GOLGA3: variants seen among roughly 807,000 people sequenced by gnomAD.
GOLGA3 encodes golgin subfamily A member 3.
GOLGA3 carries 75 observed loss-of-function variants against 169.4 expected under a neutral mutation model. That is an observed-to-expected ratio of 0.44 (90% CI 0.37 to 0.54). The LOEUF is 0.54. Among genes scored for constraint, GOLGA3 ranks in the 20% least tolerant of loss-of-function variants. The pLI is 0.00. For synonymous variants in GOLGA3, 824 were observed against 822.4 expected, an observed-to-expected ratio of 1.00 and a Z score of -0.03; for missense variants, 1,899 against 1,930.0, an observed-to-expected ratio of 0.98 and a Z score of 0.30.
At chr12:132,788,147 C>A (rs951958848) in intron 13 of GOLGA3, among the ~76,000 whole-genome samples, 1 of 152,130 alleles carries the variant, frequency 6.6e-6, no homozygotes, top group African/African-American at 2.4e-5. Context: ...CTCCCCACCC[C>A]GGCACCAGCG....
At chr12:132,820,176 CA>C (rs35718567) in intron 2 of GOLGA3, among the ~76,000 whole-genome samples, 122 of 140,276 alleles carry the variant, frequency 8.7e-4, no homozygotes, top group East Asian at 6.3e-3. Context: ...AACTCCGTCT[CA>C]AAAAAAAAAA....
chr12:132,773,182 C>A lies in GOLGA3; in HGVS notation c.4420G>T (p.Gly1474Trp). ...TCGCCGCGTGGGCCGGCGTGACCCC[C>A]CGGGGGCACAGGGCTGGCAGTGGCT... ...EPATASPVPPGGHAGPRGDPQ... is the reference protein window; with the variant it reads ...EPATASPVPPWGHAGPRGDPQ... The change falls in exon 24 of 24, where the codon GGG becomes TGG. Residue 1474 changes from glycine (G) to tryptophan (W), a missense_variant. By Grantham distance (184) the Gly-to-Trp change is radical (BLOSUM62 -2). Coordinates refer to ENST00000450791, the MANE Select transcript of GOLGA3 (RefSeq NM_001389683.1). 1 of 1,587,204 alleles carries A rather than the reference C, an allele frequency of 6.3e-7. No homozygotes were observed.
rs767788001 is a variant in GOLGA3 at position 132,796,101 on chromosome 12, G to T, written c.2220C>A (p.Leu740=). The change falls in exon 11 of 24, where the codon CTC becomes CTA. Residue 740 remains leucine, a synonymous_variant. Coordinates refer to ENST00000450791, the MANE Select transcript of GOLGA3 (RefSeq NM_001389683.1). ...CATCGTAGTGTGTCTGCAGGGCATC[G>T]AGGGACTGCTCCCTGCTCTGCAGAG... ...QEALQSREQS[L]DALQTHYDEL... 2 of 1,613,006 alleles carry T rather than the reference G, an allele frequency of 1.2e-6. No individual in the cohort carries two copies. Among genetic ancestry groups the T allele is most frequent in the East Asian group, 2.2e-5 (1 of 44,870 alleles).
In GOLGA3 at chr12:132,808,426, T is replaced by C. The variant is rs750534497; in HGVS notation, c.643A>G (p.Thr215Ala). The part of the protein sequence containing the change: ...AMTKEYSFLR[T>A]SVPRGPKVGS... The stretch of plus-strand genomic sequence containing the variant: ...ACCTTAGGCCCCCGAGGGACACTGG[T>C]GCGCAGGAAGGAATATTCTTTTGTC... The change falls in exon 5 of 24, where the codon ACC becomes GCC. Residue 215 changes from threonine (T) to alanine (A), a missense_variant. Coordinates refer to ENST00000450791, the MANE Select transcript of GOLGA3 (RefSeq NM_001389683.1). The C allele has an allele frequency of 1.9e-6, 3 of 1,614,092 alleles. No individual in the cohort carries two copies. The highest frequency in any genetic ancestry group is 2.2e-5 in the East Asian group (1 of 44,876).
chr12:132,808,088 C>A lies in GOLGA3; in HGVS notation c.981G>T (p.Gly327=). 6.3e-7 allele frequency: 1 copy of A among 1,596,978 alleles called. No individual in the cohort carries two copies. The highest frequency in any genetic ancestry group is 8.5e-7 in the Non-Finnish European group (1 of 1,170,108). The change falls in exon 5 of 24, where the codon GGG becomes GGT. Residue 327 remains glycine (G), a synonymous_variant. Coordinates refer to ENST00000450791, the MANE Select transcript of GOLGA3 (RefSeq NM_001389683.1). ...SSSYSSASTR[G]TYGILSKTVG... is the part of the protein sequence containing the mutation. ...CTGTCTTCGACAGAATGCCATAGGT[C>A]CCTCGGGTGGAGGCGCTGCTGTACG...
chr12:132,820,841 T>G (rs1431902372), intron 2 of GOLGA3, among the ~76,000 whole-genome samples: 1 of 152,120 alleles, frequency 6.6e-6, no homozygotes, highest in Admixed American at 6.6e-5. Flanking sequence ...GGCTCACTCC[T>G]GTAATCCCAG....
intron 1 of GOLGA3, among the ~76,000 whole-genome samples, chr12:132,825,480 T>C (rs951193849): frequency 6.6e-6 from 1 of 152,352 alleles, no homozygotes; most frequent in East Asian, 1.9e-4. Flanking sequence ...CCGAATTAAA[T>C]CTTCAGTTCT....
chr12:132,798,124 C>T (rs1352300333), intron 9 of GOLGA3, among the ~76,000 whole-genome samples: 1 of 134,322 alleles, frequency 7.4e-6, no homozygotes, highest in Non-Finnish European at 1.5e-5. Context: ...AAAGCCTTAA[C>T]GAGCAGTCAC....
At chr12:132,805,733 A>T (rs145124943) in intron 6 of GOLGA3, among the ~76,000 whole-genome samples, 1 of 152,188 alleles carries the variant, frequency 6.6e-6, no homozygotes, top group African/African-American at 2.4e-5. Flanking sequence ...GCCCAACTGC[A>T]CCTGCACAGG....
intron 4 of GOLGA3, among the ~76,000 whole-genome samples, chr12:132,808,942 A>G (rs537503457): frequency 2.6e-5 from 4 of 152,334 alleles, no homozygotes; most frequent in Admixed American, 1.3e-4. Context: ...AGACAAGAGA[A>G]AAGGCAGCTG....
At chr12:132,783,326 G>A (rs2045713745) in intron 16 of GOLGA3, among the ~76,000 whole-genome samples, 1 of 152,208 alleles carries the variant, frequency 6.6e-6, no homozygotes, top group South Asian at 2.1e-4. Flanking sequence ...TCCTCCCCAT[G>A]GCCAAGAGCC....
chr12:132,820,774 G>T (rs950382573), intron 2 of GOLGA3, among the ~76,000 whole-genome samples: 1 of 152,042 alleles, frequency 6.6e-6, no homozygotes, highest in Non-Finnish European at 1.5e-5. Flanking sequence ...CTGAATTCTA[G>T]CTATTACAAA....
intron 8 of GOLGA3, among the ~76,000 whole-genome samples, chr12:132,801,104 C>T (rs1381802929): frequency 3.9e-5 from 6 of 152,242 alleles, no homozygotes; most frequent in Non-Finnish European, 5.9e-5. Context: ...CTCCAGCACA[C>T]GAAGCAGTTG....
At chr12:132,806,391 C>T (rs150210744) in intron 6 of GOLGA3, among the ~76,000 whole-genome samples, 3 of 152,358 alleles carry the variant, frequency 2.0e-5, no homozygotes, top group African/African-American at 7.2e-5. Flanking sequence ...CAGAATTAGC[C>T]TCAAAACAGC....
intron 3 of GOLGA3, among the ~76,000 whole-genome samples, chr12:132,815,878 G>A (rs1412600655): frequency 1.3e-5 from 2 of 152,076 alleles, no homozygotes; most frequent in South Asian, 2.1e-4. Context: ...CAGCCTGGGC[G>A]ACAGAGCAAG....
intron 4 of GOLGA3, chr12:132,811,858 T>C (rs946767830): frequency 2.0e-5 from 19 of 943,348 alleles, no homozygotes; most frequent in Middle Eastern, 1.1e-3. Context: ...TTTTGAAACA[T>C]GACATAGGCT....
chr12:132,790,817 G>A (rs1226740452), intron 12 of GOLGA3, among the ~76,000 whole-genome samples: 1 of 151,982 alleles, frequency 6.6e-6, no homozygotes, highest in Non-Finnish European at 1.5e-5. Context: ...GGAGGCCGAG[G>A]AGGGTGGATC....
At chr12:132,787,385 G>T (rs1284005730) in intron 13 of GOLGA3, among the ~76,000 whole-genome samples, 1 of 151,052 alleles carries the variant, frequency 6.6e-6, no homozygotes. Flanking sequence ...CAGGACCCAG[G>T]ACCCCTCCCC....
rs1218116361 is a variant in GOLGA3 at position 132,807,911 on chromosome 12, C to A, written c.1158G>T (p.Arg386=). 4.0e-6 allele frequency: 6 copies of A among 1,511,660 alleles called. No homozygotes were observed. In the South Asian group the frequency reaches 6.7e-5, roughly 17 times the overall value. The allele number at this position is 1,511,660 out of a possible 1,614,324, so 93.6% of individuals were successfully genotyped here. A position where few individuals can be genotyped will look rare whatever the true frequency, so the allele number is the denominator to read the frequency against. The change falls in exon 5 of 24, where the codon CGG becomes CGT. Residue 386 remains arginine, a synonymous_variant. Transcript: ENST00000450791. The part of the protein sequence containing the change: ...GQEVNGEVRS[R]RDSICSSVSL... ...ACCACCTGCTGCAGATGCTGTCTCTCCGACTCCGCACCTCCCCGTTGACCT... is the reference window on the plus strand; with the variant it reads ...ACCACCTGCTGCAGATGCTGTCTCTACGACTCCGCACCTCCCCGTTGACCT...
Sources: allele counts gnomAD v4.1 joint callset (sites outside exome capture counted in the v4.1 genomes callset), GRCh38; gene constraint gnomAD v4.1.1; transcripts MANE v1.5; gene names NCBI Gene and HGNC (gene_info 2026-07-23, HGNC 2026-07-21).